Variants in OR2M2 observed in about 807,000 individuals in gnomAD.
OR2M2 encodes the protein olfactory receptor 2M2.
For missense variants in OR2M2, 467 were observed against 429.9 expected (o/e 1.09, Z -0.76); for synonymous variants, 168 against 151.7 (o/e 1.11, Z -0.79).
At chr1:248,179,169 G>A (rs1665888888) in intron 1 of OR2M2, among the ~76,000 whole-genome samples, 1 of 152,072 alleles carries the variant, frequency 6.6e-6, no homozygotes, top group African/African-American at 2.4e-5. Context: ...TCCAGTCGCT[G>A]CCTCCCCTAT....
chr1:248,177,775 C>T (rs1331097327), intron 1 of OR2M2: 1 of 152,094 alleles, frequency 6.6e-6, no homozygotes, highest in Non-Finnish European at 1.5e-5. Flanking sequence ...TACTGCTTAT[C>T]AAGATGTTGA....
chr1:248,180,921 T>A lies in OR2M2; in HGVS notation c.936T>A (p.Ser312Arg), dbSNP rs771443119. ...MKILGKGKSE[S>R]ELPHKLYVLL... Reference sequence around the variant, plus strand: ...TCTTAGGAAAGGGCAAGTCTGAGAGTGAGTTACCTCATAAACTTTATGTTT... The same window carrying A: ...TCTTAGGAAAGGGCAAGTCTGAGAGAGAGTTACCTCATAAACTTTATGTTT... The change falls in exon 2 of 2, where the codon AGT becomes AGA. Residue 312 changes from serine (S) to arginine (R), a missense_variant. Coordinates refer to ENST00000641836, the MANE Select transcript of OR2M2 (RefSeq NM_001004688.2). The A allele has an allele frequency of 5.0e-6, 8 of 1,614,052 alleles. No homozygotes were observed. In the South Asian group the frequency reaches 7.7e-5, roughly 16 times the overall value.
Position 248,180,963 on chromosome 1 carries a change from C to T in OR2M2, c.978C>T (p.Phe326=), listed in dbSNP as rs1355289572. The T allele has an allele frequency of 1.9e-6, 3 of 1,613,798 alleles. No individual in the cohort carries two copies. The highest frequency in any genetic ancestry group is 1.7e-6 in the Non-Finnish European group (2 of 1,179,768). The change falls in exon 2 of 2, where the codon TTC becomes TTT. Residue 326 remains phenylalanine (F), a synonymous_variant. Transcript: ENST00000641836. The stretch of plus-strand genomic sequence containing the variant: ...TTTATGTTTTGCTGTTTGCTAAATT[C>T]TTCTTTCTAATATCCATCTTTTTCT... The part of the protein sequence containing the change: ...HKLYVLLFAK[F]FFLISIFFYD...
At chr1:248,176,334 A>T (rs1189689163) in intron 1 of OR2M2, among the ~76,000 whole-genome samples, 2 of 152,106 alleles carry the variant, frequency 1.3e-5, no homozygotes. Flanking sequence ...AGACGTGATA[A>T]GGTTAATATA....
intron 1 of OR2M2, 120 bp from the exon 2 acceptor site, chr1:248,179,848 G>A: frequency 1.2e-6 from 1 of 869,146 alleles, no homozygotes; most frequent in Non-Finnish European, 1.8e-6. Context: ...TGACCTTTTA[G>A]TTTCCTACTT....
intron 1 of OR2M2, 108 bp from the exon 2 acceptor site, chr1:248,179,860 T>C (rs1007502649): frequency 3.1e-6 from 3 of 964,364 alleles, no homozygotes; most frequent in Non-Finnish European, 4.7e-6. Context: ...TTCCTACTTC[T>C]ATTCATGCTG....
chr1:248,180,621 A>C lies in OR2M2; in HGVS notation c.636A>C (p.Ala212=), dbSNP rs1367779802. The change falls in exon 2 of 2, where the codon GCA becomes GCC. Residue 212 remains alanine, a synonymous_variant. Transcript: ENST00000641836. ...CCIVMLVFPV[A]IIIASYARVI... ...TAGTAATGCTTGTTTTCCCTGTTGCAATCATCATTGCTTCCTATGCTCGAG... is the reference window on the plus strand; with the variant it reads ...TAGTAATGCTTGTTTTCCCTGTTGCCATCATCATTGCTTCCTATGCTCGAG... 6.2e-7 allele frequency: 1 copy of C among 1,612,670 alleles called. No individual in the cohort carries two copies. The highest frequency in any genetic ancestry group is 1.3e-5 in the African/African-American group (1 of 74,980).
Position 248,180,934 on chromosome 1 carries a change from A to T in OR2M2, c.949A>T (p.Lys317Ter). The T allele has an allele frequency of 6.2e-7, 1 of 1,614,090 alleles. No homozygotes were observed. Among genetic ancestry groups the T allele is most frequent in the Non-Finnish European group, 8.5e-7 (1 of 1,179,964 alleles). ...KGKSESELPHKLYVLLFAKFF... is the reference protein window; with the variant it reads ...KGKSESELPH ...CAAGTCTGAGAGTGAGTTACCTCAT[A>T]AACTTTATGTTTTGCTGTTTGCTAA... The change falls in exon 2 of 2, where the codon AAA (lysine) becomes TAA (stop). Residue 317 changes from lysine to a stop codon, truncating the protein, a stop_gained. Transcript: ENST00000641836. LOFTEE classifies it low-confidence loss of function (END_TRUNC).
chr1:248,176,104 A>G (rs1665853995), intron 1 of OR2M2, among the ~76,000 whole-genome samples: 1 of 151,952 alleles, frequency 6.6e-6, no homozygotes, highest in Non-Finnish European at 1.5e-5. Context: ...CATTTTAGCA[A>G]CCTCAGTGGA....
At chr1:248,175,247 G>T (rs1275475727) in intron 1 of OR2M2, among the ~76,000 whole-genome samples, 2 of 152,060 alleles carry the variant, frequency 1.3e-5, no homozygotes, top group African/African-American at 4.8e-5. Context: ...TTCAATAATT[G>T]TAGCTCATGC....
intron 1 of OR2M2, among the ~76,000 whole-genome samples, chr1:248,177,075 A>G (rs1490977556): frequency 1.3e-5 from 2 of 152,074 alleles, no homozygotes; most frequent in Non-Finnish European, 2.9e-5. Context: ...ACAATTGTCA[A>G]TGAAGATAGT....
rs755634605 is a variant in OR2M2 at position 248,180,104 on chromosome 1, T to C, written c.119T>C (p.Met40Thr). Residue 40 changes from methionine to threonine, a missense_variant, in exon 2 of 2, where the codon ATG becomes ACG. Met to Thr is a moderately conservative substitution (Grantham distance 81). Coordinates refer to ENST00000641836, the MANE Select transcript of OR2M2 (RefSeq NM_001004688.2). ...CTGGGCATCTTTTTAGTGGCCTTCA[T>C]GGGAAACTCTGTCATGGTTCTCCTC... ...LVLGIFLVAFMGNSVMVLLIY... is the reference protein window; with the variant it reads ...LVLGIFLVAFTGNSVMVLLIY... 1.9e-6 allele frequency: 3 copies of C among 1,613,998 alleles called. No individual in the cohort carries two copies. In the African/African-American group the frequency reaches 4.0e-5, roughly 22 times the overall value.
chr1:248,179,820 T>C (rs1169553557), intron 1 of OR2M2, 148 bp from the exon 2 acceptor site: 1 of 670,152 alleles, frequency 1.5e-6, no homozygotes, highest in Non-Finnish European at 2.5e-6. Context: ...ACATATTTCG[T>C]TCAGATTCTA....
Position 248,180,144 on chromosome 1 carries a change from C to G in OR2M2, c.159C>G (p.Thr53=), listed in dbSNP as rs1665909896. ...SVMVLLIYLD[T]QLHTPMYFLL... ...TGGTTCTCCTCATCTACCTGGACAC[C>G]CAGCTCCACACCCCCATGTACTTCC... Residue 53 remains threonine (T), a synonymous_variant, in exon 2 of 2, where the codon ACC becomes ACG. Coordinates refer to ENST00000641836, the MANE Select transcript of OR2M2 (RefSeq NM_001004688.2). 1.2e-6 allele frequency: 2 copies of G among 1,614,038 alleles called. No homozygotes were observed. Among genetic ancestry groups the G allele is most frequent in the Non-Finnish European group, 8.5e-7 (1 of 1,180,006 alleles).
intron 1 of OR2M2, among the ~76,000 whole-genome samples, chr1:248,179,544 A>G (rs1665899921): frequency 2.0e-5 from 3 of 152,184 alleles, no homozygotes; most frequent in African/African-American, 4.8e-5. Context: ...ACTGCCTATT[A>G]TGAGAGCGAA....
At position 248,180,588 on chromosome 1, in the gene OR2M2, C is replaced by T. The variant is rs1665919314; in HGVS notation, c.603C>T (p.Ile201=). The T allele has an allele frequency of 6.2e-7, 1 of 1,613,492 alleles. No individual in the cohort carries two copies. The highest frequency in any genetic ancestry group is 1.7e-5 in the Admixed American group (1 of 60,008). The change falls in exon 2 of 2, where the codon ATC becomes ATT. Residue 201 remains isoleucine, a synonymous_variant. Coordinates refer to ENST00000641836, the MANE Select transcript of OR2M2 (RefSeq NM_001004688.2). ...CAATATTTGAAGAGGTTATTTTCAT[C>T]TGCTGTATAGTAATGCTTGTTTTCC... The part of the protein sequence containing the change: ...DTSIFEEVIF[I]CCIVMLVFPV...
Position 248,181,048 on chromosome 1 carries a change from T to C in OR2M2, c.*19T>C. ...TGCCTAACATATTTATGGGCACCTA[T>C]ACAATTTATTTCAGGTAAACCATTT... On this transcript the variant is annotated 3_prime_UTR_variant, in exon 2 of 2. Transcript: ENST00000641836. The C allele has an allele frequency of 1.3e-6, 2 of 1,487,322 alleles. No individual in the cohort carries two copies. The highest frequency in any genetic ancestry group is 1.4e-5 in the African/African-American group (1 of 71,322). The allele number at this position is 1,487,322 out of a possible 1,614,324, so 92.1% of individuals were successfully genotyped here. A position where few individuals can be genotyped will look rare whatever the true frequency, so the allele number is the denominator to read the frequency against.
chr1:248,180,261 T>G lies in OR2M2; in HGVS notation c.276T>G (p.Ile92Met). 6.2e-7 allele frequency: 1 copy of G among 1,614,166 alleles called. No homozygotes were observed. The highest frequency in any genetic ancestry group is 8.5e-7 in the Non-Finnish European group (1 of 1,180,022). Residue 92 changes from isoleucine to methionine, a missense_variant, in exon 2 of 2, where the codon ATT becomes ATG. Ile to Met is a conservative substitution (Grantham distance 10). Coordinates refer to ENST00000641836, the MANE Select transcript of OR2M2 (RefSeq NM_001004688.2). ...ACTACCTGTCTGGCAGCAAGTCCAT[T>G]TCTATGGCTGGTTGTGTCACACAAA... ...AFNYLSGSKSISMAGCVTQIF... is the reference protein window; with the variant it reads ...AFNYLSGSKSMSMAGCVTQIF...
chr1:248,180,497 C>G lies in OR2M2; in HGVS notation c.512C>G (p.Ser171Cys), dbSNP rs768435454. Residue 171 changes from serine to cysteine, a missense_variant, in exon 2 of 2, where the codon TCT becomes TGT. Transcript: ENST00000641836. ...VATFSFSFCG[S>C]REIAHFFCEF... Reference sequence around the variant, plus strand: ...ACATTTTCCTTCTCCTTTTGTGGGTCTCGGGAAATAGCCCACTTCTTCTGT... The same window carrying G: ...ACATTTTCCTTCTCCTTTTGTGGGTGTCGGGAAATAGCCCACTTCTTCTGT... The G allele has an allele frequency of 8.7e-6, 14 of 1,613,870 alleles. No homozygotes were observed. The East Asian group carries it at 2.5e-4, about 28-fold the overall frequency.
Sources: allele counts gnomAD v4.1 joint callset (sites outside exome capture counted in the v4.1 genomes callset), GRCh38; gene constraint gnomAD v4.1.1; transcripts MANE v1.5; gene names NCBI Gene and HGNC (gene_info 2026-07-23, HGNC 2026-07-21).